The following GSE1 variants were observed in gnomAD, a reference collection of about 807,000 sequenced individuals.
GSE1 encodes the protein Gse1 coiled-coil protein, also known as genetic suppressor element 1.
GSE1 carries 32 observed loss-of-function variants against 112.6 expected under a neutral mutation model. The observed-to-expected ratio is 0.28, with a 90% confidence interval of 0.21 to 0.38. The LOEUF (loss-of-function observed/expected upper bound fraction) is 0.38, where lower values mean the gene tolerates loss of function less well. Among genes scored for constraint, GSE1 ranks in the 10% least tolerant of loss-of-function variants. The pLI, the probability that GSE1 is intolerant of heterozygous loss-of-function variation, is 1.00. For missense variants in GSE1, 2,348 were observed against 1,699.2 expected, an observed-to-expected ratio of 1.38 and a Z score of -6.71; for synonymous variants, 1,115 against 735.6, an observed-to-expected ratio of 1.52 and a Z score of -8.35.
chr16:85,344,301 G>A (rs545293380), intron 1 of GSE1, among the ~76,000 whole-genome samples: 1 of 152,144 alleles, frequency 6.6e-6, no homozygotes, highest in Non-Finnish European at 1.5e-5. Context: ...TATGATGGGA[G>A]GGGACTCCTA....
upstream of GSE1, among the ~76,000 whole-genome samples, chr16:85,611,718 C>T (rs1339019863): frequency 1.3e-5 from 2 of 152,120 alleles, no homozygotes; most frequent in African/African-American, 2.4e-5. Context: ...AGACCCTGCC[C>T]CCCGGAGGGC....
chr16:85,445,718 G>A (rs987962552), intron 2 of GSE1, among the ~76,000 whole-genome samples: 9 of 152,226 alleles, frequency 5.9e-5, no homozygotes, highest in Non-Finnish European at 1.2e-4. Flanking sequence ...AGCAGCAGCA[G>A]CCCTCTCCTG....
At chr16:85,210,342 T>C (rs972178564) in intron 1 of GSE1, among the ~76,000 whole-genome samples, 8 of 152,208 alleles carry the variant, frequency 5.3e-5, no homozygotes, top group African/African-American at 1.9e-4. Context: ...TTGACAAAAC[T>C]GCTGTGTTCC....
intron 1 of GSE1, among the ~76,000 whole-genome samples, chr16:85,310,903 C>A (rs1567679941): frequency 6.6e-6 from 1 of 151,358 alleles, no homozygotes; most frequent in Non-Finnish European, 1.5e-5. Context: ...TGCTCAGGGG[C>A]TGGGGATGGA....
intron 9 of GSE1, 35 bp downstream of exon 9, chr16:85,661,800 A>C: frequency 6.9e-7 from 1 of 1,458,226 alleles, no homozygotes; most frequent in Non-Finnish European, 9.1e-7. Flanking sequence ...CTGCTCAGGG[A>C]GAGCCGCACA....
At chr16:85,653,004 G>T (rs1478893429) in intron 3 of GSE1, among the ~76,000 whole-genome samples, 1 of 151,468 alleles carries the variant, frequency 6.6e-6, no homozygotes, top group East Asian at 2.0e-4. Flanking sequence ...AAGCTCAGAG[G>T]GGCCAGCGTG....
chr16:85,531,193 A>G (rs920459258), intron 2 of GSE1, among the ~76,000 whole-genome samples: 20 of 152,222 alleles, frequency 1.3e-4, no homozygotes, highest in Non-Finnish European at 1.5e-4. Context: ...GGAGCAATAG[A>G]GAGTGTGTCC....
At chr16:85,369,034 G>T (rs566119829) in intron 2 of GSE1, among the ~76,000 whole-genome samples, 1 of 152,264 alleles carries the variant, frequency 6.6e-6, no homozygotes, top group African/African-American at 2.4e-5. Flanking sequence ...GGACTTGGTG[G>T]CTTAAACCAA....
intron 2 of GSE1, among the ~76,000 whole-genome samples, chr16:85,477,807 G>A (rs2050507727): frequency 6.6e-6 from 1 of 152,028 alleles, no homozygotes; most frequent in African/African-American, 2.4e-5. Context: ...TGATCCGCCC[G>A]CCTCGGCCTC....
chr16:85,362,310 C>A (rs556499954), intron 2 of GSE1, among the ~76,000 whole-genome samples: 13 of 152,198 alleles, frequency 8.5e-5, no homozygotes, highest in Non-Finnish European at 1.9e-4. Context: ...CCATCGCATG[C>A]AGTATAAAAT....
At chr16:85,628,552 G>A (rs1313692879) in intron 1 of GSE1, among the ~76,000 whole-genome samples, 1 of 152,198 alleles carries the variant, frequency 6.6e-6, no homozygotes, top group Admixed American at 6.5e-5. Flanking sequence ...CACCAGGGAA[G>A]GGCTGGGGAG....
chr16:85,537,338 C>G (rs992734308), intron 2 of GSE1, among the ~76,000 whole-genome samples: 1 of 152,128 alleles, frequency 6.6e-6, no homozygotes, highest in African/African-American at 2.4e-5. Flanking sequence ...GGAGAGAGGG[C>G]GGGACAGTGG....
intron 2 of GSE1, among the ~76,000 whole-genome samples, chr16:85,449,651 A>C (rs1285785691): frequency 6.6e-6 from 1 of 152,222 alleles, no homozygotes; most frequent in Admixed American, 6.5e-5. Flanking sequence ...GCTGAGATGC[A>C]TTCAGGAAAC....
At chr16:85,478,823 A>C (rs1597884390) in intron 2 of GSE1, among the ~76,000 whole-genome samples, 1 of 147,988 alleles carries the variant, frequency 6.8e-6, no homozygotes, top group Admixed American at 6.7e-5. Flanking sequence ...ATGCACCACC[A>C]TGCCCCGCTC....
intron 1 of GSE1, among the ~76,000 whole-genome samples, chr16:85,301,897 A>G (rs1273913179): frequency 6.6e-6 from 1 of 152,198 alleles, no homozygotes; most frequent in East Asian, 1.9e-4. Context: ...TTGGGTTCTG[A>G]TAGTCAAGCC....
intron 1 of GSE1, among the ~76,000 whole-genome samples, chr16:85,276,996 G>A (rs1909432434): frequency 6.6e-6 from 1 of 152,150 alleles, no homozygotes; most frequent in Admixed American, 6.5e-5. Context: ...AGAGCAGGGG[G>A]ACCCTGAGGG....
At chr16:85,325,317 G>C (rs1053904847) in intron 1 of GSE1, among the ~76,000 whole-genome samples, 2 of 152,118 alleles carry the variant, frequency 1.3e-5, no homozygotes, top group East Asian at 1.9e-4. Context: ...GGCAGGCCTT[G>C]GGCCTGGACG....
rs141639128 is a variant in GSE1, at chr16:85,266,003, T to C, written c.2284-91460T>C. On this transcript the variant is annotated intron_variant, in intron 1 of 2. Coordinates refer to the GSE1 transcript ENST00000637419. Reference sequence around the variant, plus strand: ...AGTGGCTGGGTGGCCTGCGGGTCCTTGGACAGACAAAGTGGAATGATGGAT... The same window carrying C: ...AGTGGCTGGGTGGCCTGCGGGTCCTCGGACAGACAAAGTGGAATGATGGAT... Among the ~76,000 whole-genome samples, 1,166 of 152,238 alleles carry C rather than the reference T, an allele frequency of 7.7e-3. 16 individuals carry two copies. The highest frequency in any genetic ancestry group is 0.027 in the African/African-American group (1,111 of 41,550).
chr16:85,371,386 C>A (rs2047297494), intron 2 of GSE1, among the ~76,000 whole-genome samples: 1 of 152,188 alleles, frequency 6.6e-6, no homozygotes, highest in African/African-American at 2.4e-5. Flanking sequence ...CAAGGAGGGA[C>A]AGAGGGCCGA....
Sources: gnomAD v4.1 joint callset for allele counts (sites outside exome capture counted in the v4.1 genomes callset) on GRCh38, gnomAD v4.1.1 for gene constraint, MANE v1.5 for transcripts, NCBI Gene and HGNC (gene_info 2026-07-23, HGNC 2026-07-21) for gene names.